Variants in UBTD1 observed in about 807,000 individuals in gnomAD.
The protein encoded by UBTD1 is ubiquitin domain containing 1, also known as ubiquitin domain-containing protein 1.
In UBTD1, 19 loss-of-function variants were observed where a neutral mutation model predicts 21.7. That is an observed-to-expected ratio of 0.87 (90% CI 0.61 to 1.28). The LOEUF is 1.28. Ranked by LOEUF, UBTD1 falls within the 50% of genes most tolerant of loss-of-function variation. The pLI is 0.00. For missense variants in UBTD1, 282 were observed against 315.1 expected, an observed-to-expected ratio of 0.89 and a Z score of 0.80; for synonymous variants, 116 against 135.1, an observed-to-expected ratio of 0.86 and a Z score of 0.98.
chr10:97,552,477 C>T (rs1418341652), intron 1 of UBTD1, among the ~76,000 whole-genome samples: 2 of 145,006 alleles, frequency 1.4e-5, no homozygotes, highest in Non-Finnish European at 3.0e-5. Context: ...CTCACTGCAA[C>T]CTCCGCCTCC....
chr10:97,547,901 G>GGAA (rs1554867091), intron 1 of UBTD1, among the ~76,000 whole-genome samples: 2 of 43,422 alleles, frequency 4.6e-5, no homozygotes, highest in Non-Finnish European at 2.1e-4. Context: ...GCAACTTTAT[G>GGAA]AAAAAAAAAA....
chr10:97,520,445 G>A (rs531756207), intron 1 of UBTD1, among the ~76,000 whole-genome samples: 2 of 152,258 alleles, frequency 1.3e-5, no homozygotes, highest in South Asian at 2.1e-4. Context: ...AAATAGATAC[G>A]GTCCTTCCCT....
intron 1 of UBTD1, among the ~76,000 whole-genome samples, chr10:97,548,521 C>T (rs552290673): frequency 2.0e-5 from 3 of 152,320 alleles, no homozygotes; most frequent in Non-Finnish European, 4.4e-5. Context: ...TCAGGCTGGG[C>T]GCAGTGGCTC....
chr10:97,506,732 G>T lies in UBTD1; in HGVS notation c.70+7459G>T, dbSNP rs138211558. Among the ~76,000 whole-genome samples, 562 of 152,234 alleles carry T rather than the reference G, an allele frequency of 3.7e-3. 3 individuals are homozygous for T. In the Middle Eastern group the frequency reaches 0.054, roughly 15 times the overall value. On this transcript the variant is annotated intron_variant, in intron 1 of 2. Transcript: ENST00000370664. ...CTCTTTTATGAGTTTGACTACTCTG[G>T]ATACCTCATATGAGTGGAATCATGT...
In UBTD1 at chr10:97,509,994, A is replaced by T. The variant is rs180820468; in HGVS notation, c.70+10721A>T. Among the ~76,000 whole-genome samples, 5 of 118,740 alleles carry T rather than the reference A, an allele frequency of 4.2e-5. No homozygotes were observed. In the East Asian group the frequency reaches 1.3e-3, roughly 30 times the overall value. 77.9% of individuals were successfully genotyped at this position (118,740 alleles called of 152,430 possible). A position where few individuals can be genotyped will look rare whatever the true frequency, so the allele number is the denominator to read the frequency against. On this transcript the variant is annotated intron_variant, in intron 1 of 2. Coordinates refer to ENST00000370664, the MANE Select transcript of UBTD1 (RefSeq NM_024954.5). ...TTTTTCTTTATTTTAGACAGAGCTC[A>T]CTCTATTGCCCAGGCTGGAGTGCAA...
intron 1 of UBTD1, 75 bp from the exon 2 acceptor site, chr10:97,567,839 G>A: frequency 1.4e-6 from 2 of 1,438,516 alleles, no homozygotes; most frequent in Non-Finnish European, 1.9e-6. Flanking sequence ...GCCTGGGGAG[G>A]GGAGGGGAGG....
At chr10:97,535,167 G>T (rs1302345047) in intron 1 of UBTD1, among the ~76,000 whole-genome samples, 3 of 152,170 alleles carry the variant, frequency 2.0e-5, no homozygotes, top group African/African-American at 7.2e-5. Context: ...AGTCACAGAG[G>T]CATCACCATC....
intron 1 of UBTD1, among the ~76,000 whole-genome samples, chr10:97,507,827 G>A (rs1017163434): frequency 4.0e-5 from 6 of 151,072 alleles, no homozygotes; most frequent in African/African-American, 1.5e-4. Context: ...GAAAGGGGCT[G>A]GAACACCTTC....
intron 1 of UBTD1, among the ~76,000 whole-genome samples, chr10:97,567,622 G>A (rs1334300648): frequency 6.6e-6 from 1 of 151,982 alleles, no homozygotes; most frequent in African/African-American, 2.4e-5. Flanking sequence ...TCATGCCATT[G>A]CACTCCAGCC....
At chr10:97,529,094 G>A (rs1589873481) in intron 1 of UBTD1, among the ~76,000 whole-genome samples, 1 of 151,686 alleles carries the variant, frequency 6.6e-6, no homozygotes, top group East Asian at 1.9e-4. Flanking sequence ...ACAGGGTCGC[G>A]GCCGGCCGAG....
At position 97,566,284 on chromosome 10, in the gene UBTD1, TTTA is replaced by T. The variant is rs199507773; in HGVS notation, c.71-1629_71-1627del. On this transcript the variant is annotated intron_variant, in intron 1 of 2. Transcript: ENST00000370664. The stretch of plus-strand genomic sequence containing the variant: ...GCATATTGAGATTTTTTTTTTTTTT[TTTA>T]AAACTATTACCTTATTTATTTTTCT... Among the ~76,000 whole-genome samples the T allele has an allele frequency of 2.9e-3, 437 of 151,852 alleles. 3 individuals are homozygous for T. Among genetic ancestry groups the T allele is most frequent in the South Asian group, 0.013 (62 of 4,812 alleles).
chr10:97,565,504 C>A (rs976662110), intron 1 of UBTD1, among the ~76,000 whole-genome samples: 1 of 152,008 alleles, frequency 6.6e-6, no homozygotes, highest in Non-Finnish European at 1.5e-5. Context: ...AAATTTTAGA[C>A]CTAGCAGGGC....
intron 1 of UBTD1, among the ~76,000 whole-genome samples, chr10:97,549,310 A>G (rs1458270036): frequency 6.6e-6 from 1 of 152,166 alleles, no homozygotes; most frequent in Non-Finnish European, 1.5e-5. Context: ...CTTGTTCACA[A>G]AACATAGTCC....
intron 1 of UBTD1, among the ~76,000 whole-genome samples, chr10:97,527,567 A>T (rs2135667253): frequency 6.6e-6 from 1 of 152,304 alleles, no homozygotes; most frequent in East Asian, 1.9e-4. Context: ...GAAGGTCAGC[A>T]GATAAACAAG....
intron 1 of UBTD1, among the ~76,000 whole-genome samples, chr10:97,548,235 G>T (rs1429209891): frequency 6.6e-6 from 1 of 152,214 alleles, no homozygotes; most frequent in African/African-American, 2.4e-5. Flanking sequence ...CATGATCCAG[G>T]TTGCCAGAAA....
At chr10:97,560,729 TC>T (rs1337119783) in intron 1 of UBTD1, among the ~76,000 whole-genome samples, 1 of 152,140 alleles carries the variant, frequency 6.6e-6, no homozygotes, top group Non-Finnish European at 1.5e-5. Context: ...CTTAAATTCT[TC>T]CTTGAAATTT....
intron 1 of UBTD1, among the ~76,000 whole-genome samples, chr10:97,559,136 G>A (rs1180365819): frequency 6.6e-6 from 1 of 152,238 alleles, no homozygotes; most frequent in Admixed American, 6.5e-5. Flanking sequence ...TGAACTTAGT[G>A]TTGGGAGACG....
intron 1 of UBTD1, among the ~76,000 whole-genome samples, chr10:97,521,710 G>A (rs1011981724): frequency 2.6e-5 from 4 of 152,198 alleles, no homozygotes; most frequent in Non-Finnish European, 4.4e-5. Context: ...CCCCAGCTAC[G>A]GAGTTTGGTC....
At chr10:97,553,165 C>T (rs182151011) in intron 1 of UBTD1, among the ~76,000 whole-genome samples, 3 of 152,290 alleles carry the variant, frequency 2.0e-5, no homozygotes, top group African/African-American at 2.4e-5. Flanking sequence ...GAGTTTCACT[C>T]TTGTTGCCCA....
Sources: allele counts gnomAD v4.1 joint callset (sites outside exome capture counted in the v4.1 genomes callset), GRCh38; gene constraint gnomAD v4.1.1; transcripts MANE v1.5; gene names NCBI Gene and HGNC (gene_info 2026-07-23, HGNC 2026-07-21).